The following SAMD5 variants were observed in gnomAD, a reference collection of about 807,000 sequenced individuals.
SAMD5 encodes sterile alpha motif domain containing 5, also known as sterile alpha motif domain-containing protein 5.
In SAMD5, 13 loss-of-function variants were observed where a neutral mutation model predicts 11.3. That is an observed-to-expected ratio of 1.15 (90% CI 0.75 to 1.83). The LOEUF (loss-of-function observed/expected upper bound fraction) is 1.83, where lower values mean the gene tolerates loss of function less well. SAMD5 is among the 40% of genes most tolerant of loss of function. The pLI is 0.00. For missense variants in SAMD5, 255 were observed against 239.1 expected, an observed-to-expected ratio of 1.07 and a Z score of -0.44; for synonymous variants, 129 against 111.3, an observed-to-expected ratio of 1.16 and a Z score of -1.00.
chr6:147,749,773 A>G, the SAMD5 span, among the ~76,000 whole-genome samples: 4 of 152,206 alleles, frequency 2.6e-5, no homozygotes, highest in Non-Finnish European at 5.9e-5. Context: ...AATTAATGTG[A>G]AGAAAATTGT....
At chr6:147,728,111 A>G (rs112113147) in intron 1 of SAMD5, among the ~76,000 whole-genome samples, 4 of 152,108 alleles carry the variant, frequency 2.6e-5, no homozygotes, top group African/African-American at 4.8e-5. Context: ...CTGAGTATCC[A>G]GAGTGCTAAC....
intron 1 of SAMD5, among the ~76,000 whole-genome samples, chr6:147,649,126 A>C (rs1369095155): frequency 6.6e-6 from 1 of 152,218 alleles, no homozygotes; most frequent in African/African-American, 2.4e-5. Flanking sequence ...TCTTCTCACC[A>C]GCTGTGGAAG....
the SAMD5 span, among the ~76,000 whole-genome samples, chr6:147,793,822 C>A: frequency 6.6e-6 from 1 of 152,266 alleles, no homozygotes; most frequent in African/African-American, 2.4e-5. Context: ...GTTACTGTAG[C>A]TTTACAGTAA....
At chr6:147,718,061 C>G (rs1299163888) in intron 1 of SAMD5, among the ~76,000 whole-genome samples, 1 of 152,102 alleles carries the variant, frequency 6.6e-6, no homozygotes, top group East Asian at 1.9e-4. Context: ...GAAATTTCCC[C>G]TTTTTGAAAA....
At chr6:147,894,385 G>A in the SAMD5 span, among the ~76,000 whole-genome samples, 1 of 152,068 alleles carries the variant, frequency 6.6e-6, no homozygotes, top group Non-Finnish European at 1.5e-5. Flanking sequence ...GCCTCCCAAA[G>A]TGCTGGGATT....
At chr6:147,657,898 T>C (rs1360414045) in intron 1 of SAMD5, among the ~76,000 whole-genome samples, 1 of 152,234 alleles carries the variant, frequency 6.6e-6, no homozygotes, top group Non-Finnish European at 1.5e-5. Context: ...TTTGGAGGGA[T>C]GCAAAGATTC....
chr6:147,950,492 C>T, the SAMD5 span, among the ~76,000 whole-genome samples: 1 of 152,162 alleles, frequency 6.6e-6, no homozygotes, highest in African/African-American at 2.4e-5. Context: ...TGGCTTGATA[C>T]GTCCTCCTGA....
the SAMD5 span, among the ~76,000 whole-genome samples, chr6:147,775,756 A>C: frequency 2.6e-5 from 4 of 152,154 alleles, no homozygotes; most frequent in Non-Finnish European, 4.4e-5. Context: ...AGCTGAGTGT[A>C]CTGACCAGTT....
chr6:147,870,728 A>G, the SAMD5 span, among the ~76,000 whole-genome samples: 72 of 147,024 alleles, frequency 4.9e-4, no homozygotes, highest in African/African-American at 1.7e-3. Flanking sequence ...AGGGAGAGGA[A>G]ATCTGGAGGC....
chr6:147,814,982 G>T, the SAMD5 span, among the ~76,000 whole-genome samples: 1 of 152,196 alleles, frequency 6.6e-6, no homozygotes, highest in Non-Finnish European at 1.5e-5. Flanking sequence ...TCTAAGGAGA[G>T]GCTCTAGGAC....
intron 1 of SAMD5, among the ~76,000 whole-genome samples, chr6:147,586,072 T>C (rs1348521958): frequency 6.6e-6 from 1 of 152,142 alleles, no homozygotes; most frequent in Non-Finnish European, 1.5e-5. Context: ...AGGATGGCCA[T>C]TGTAGGGCGC....
intron 1 of SAMD5, among the ~76,000 whole-genome samples, chr6:147,598,659 C>T (rs1193538757): frequency 6.6e-6 from 1 of 152,206 alleles, no homozygotes; most frequent in Non-Finnish European, 1.5e-5. Flanking sequence ...TCGTTCTCCT[C>T]TTTCTGGAAT....
chr6:147,623,316 G>T (rs1405538597), intron 1 of SAMD5, among the ~76,000 whole-genome samples: 1 of 152,020 alleles, frequency 6.6e-6, no homozygotes, highest in Non-Finnish European at 1.5e-5. Flanking sequence ...CCACATAGTG[G>T]GATTCTTAAT....
the SAMD5 span, among the ~76,000 whole-genome samples, chr6:147,810,690 A>G: frequency 6.6e-6 from 1 of 152,224 alleles, no homozygotes; most frequent in African/African-American, 2.4e-5. Flanking sequence ...ACATTTCGGT[A>G]GCGCTGGCAA....
At chr6:147,740,548 G>C (rs1230492094), downstream of SAMD5, among the ~76,000 whole-genome samples, 1 of 152,142 alleles carries the variant, frequency 6.6e-6, no homozygotes, top group Non-Finnish European at 1.5e-5. Flanking sequence ...TCCACTCCCT[G>C]TCTGTGGCAC....
At chr6:147,582,335 CAA>C (rs55846175) in intron 1 of SAMD5, among the ~76,000 whole-genome samples, 49,564 of 146,960 alleles carry the variant, frequency 0.34, 8,291 homozygotes, top group East Asian at 0.37. Flanking sequence ...ACCCCCCCAC[CAA>C]AAAAAAAAAA....
chr6:147,822,702 T>C, the SAMD5 span, among the ~76,000 whole-genome samples: 1 of 152,230 alleles, frequency 6.6e-6, no homozygotes, highest in Non-Finnish European at 1.5e-5. Context: ...AACCAGCAAT[T>C]ATCCCTCTCA....
the SAMD5 span, among the ~76,000 whole-genome samples, chr6:147,796,524 G>T: frequency 6.6e-6 from 1 of 152,028 alleles, no homozygotes; most frequent in Non-Finnish European, 1.5e-5. Context: ...TTGTTCTTTT[G>T]GCTTAGGATT....
intron 1 of SAMD5, among the ~76,000 whole-genome samples, chr6:147,594,113 A>G (rs1322835835): frequency 1.3e-5 from 2 of 152,188 alleles, no homozygotes; most frequent in Non-Finnish European, 1.5e-5. Context: ...TGGGTGACAG[A>G]GTGAGACTTG....
Sources: gnomAD v4.1 joint callset for allele counts (sites outside exome capture counted in the v4.1 genomes callset) on GRCh38, gnomAD v4.1.1 for gene constraint, MANE v1.5 for transcripts, NCBI Gene and HGNC (gene_info 2026-07-23, HGNC 2026-07-21) for gene names.